Variants in LVRN observed in about 807,000 individuals in gnomAD.
LVRN encodes aminopeptidase Q.
A neutral mutation model predicts 111.4 loss-of-function variants in LVRN; 99 were observed. That is an observed-to-expected ratio of 0.89 (90% confidence interval 0.76 to 1.05). LVRN has a LOEUF of 1.05. Among genes scored for constraint, LVRN ranks in the 50% least tolerant of loss-of-function variants. The pLI is 0.00. For synonymous variants in LVRN, 488 were observed against 449.5 expected (o/e 1.09, Z -1.08); for missense variants, 1,414 against 1,206.8 (o/e 1.17, Z -2.54).
chr5:115,970,044 G>A (rs1753289754), intron 1 of LVRN, among the ~76,000 whole-genome samples: 1 of 151,910 alleles, frequency 6.6e-6, no homozygotes. Flanking sequence ...TATTTCTAAT[G>A]ATTTTTAAAA....
chr5:116,022,183 T>A, intron 18 of LVRN: 1 of 433,890 alleles, frequency 2.3e-6, no homozygotes, highest in Non-Finnish European at 4.1e-6. Flanking sequence ...AATAGATTTG[T>A]GTAACACATA....
intron 1 of LVRN, among the ~76,000 whole-genome samples, chr5:115,972,875 T>C (rs1281045214): frequency 6.6e-6 from 1 of 152,308 alleles, no homozygotes; most frequent in Non-Finnish European, 1.5e-5. Flanking sequence ...GTTTTTATTA[T>C]TTAATTTGTT....
chr5:116,025,248 A>G (rs1186858360), intron 19 of LVRN, among the ~76,000 whole-genome samples: 2 of 152,184 alleles, frequency 1.3e-5, no homozygotes, highest in Non-Finnish European at 2.9e-5. Flanking sequence ...GCTTGATAGC[A>G]CTATTACTGT....
Position 115,962,709 on chromosome 5 carries a change from C to A in LVRN, c.92C>A (p.Ala31Asp). ...GLVAALLLALAVLAALYGHCE... is the reference protein window; with the variant it reads ...GLVAALLLALDVLAALYGHCE... ...GTAGCCGCCCTCCTGCTGGCGCTGG[C>A]CGTACTCGCCGCCTTGTACGGCCAC... The change falls in exon 1 of 20, where the codon GCC becomes GAC. Residue 31 changes from alanine to aspartate, a missense_variant. Coordinates refer to ENST00000357872, the MANE Select transcript of LVRN (RefSeq NM_173800.5). 1.2e-6 allele frequency: 2 copies of A among 1,611,628 alleles called. No homozygotes were observed. The highest frequency in any genetic ancestry group is 1.7e-6 in the Non-Finnish European group (2 of 1,179,636).
At position 116,027,248 on chromosome 5, in the gene LVRN, G is replaced by A. The variant is rs1748885866; in HGVS notation, c.*1130G>A. ...TCTTTTATTTTTATTTTTGTAGAATGGGGGTAAAACTACAAATCTCCTCCT... is the reference window on the plus strand; with the variant it reads ...TCTTTTATTTTTATTTTTGTAGAATAGGGGTAAAACTACAAATCTCCTCCT... On this transcript the variant is annotated 3_prime_UTR_variant, in exon 20 of 20. Coordinates refer to ENST00000357872, the MANE Select transcript of LVRN (RefSeq NM_173800.5). The A allele has an allele frequency of 6.6e-6, 1 of 152,118 alleles. No individual in the cohort carries two copies. Among genetic ancestry groups the A allele is most frequent in the South Asian group, 2.1e-4 (1 of 4,816 alleles). The allele number at this position is 152,118 out of a possible 1,614,324, so 9.4% of individuals were successfully genotyped here. A position where few individuals can be genotyped will look rare whatever the true frequency, so the allele number is the denominator to read the frequency against.
intron 1 of LVRN, among the ~76,000 whole-genome samples, chr5:115,969,493 T>C (rs1328756556): frequency 6.6e-6 from 1 of 152,174 alleles, no homozygotes; most frequent in Non-Finnish European, 1.5e-5. Context: ...AGTGAAATTG[T>C]CATTTAAGAT....
intron 1 of LVRN, among the ~76,000 whole-genome samples, chr5:115,972,734 T>G (rs991698837): frequency 5.9e-5 from 9 of 152,016 alleles, no homozygotes; most frequent in Non-Finnish European, 1.2e-4. Context: ...CCTATAAGGT[T>G]TTTTTTGGTA....
In LVRN at chr5:115,963,309, G is replaced by T. The variant is rs746222533; in HGVS notation, c.692G>T (p.Arg231Leu). Residue 231 changes from arginine (R) to leucine (L), a missense_variant, in exon 1 of 20, where the codon CGC (arginine) becomes CTC (leucine). Transcript: ENST00000357872. ...FLNVYTDQGE[R>L]RALLASQLEP... ...AACGTCTACACCGACCAGGGCGAGC[G>T]CAGGTAAGGGCTGTACAGCCCGGGG... 2 of 1,603,822 alleles carry T rather than the reference G, an allele frequency of 1.2e-6. No individual in the cohort carries two copies. Among genetic ancestry groups the T allele is most frequent in the Admixed American group, 1.7e-5 (1 of 59,384 alleles).
chr5:115,966,479 G>C (rs1053603266), intron 1 of LVRN, among the ~76,000 whole-genome samples: 15 of 152,070 alleles, frequency 9.9e-5, no homozygotes, highest in African/African-American at 3.4e-4. Flanking sequence ...TCCAGTTTTT[G>C]GTTTTACAAA....
At chr5:115,982,350 C>A (rs1753577668) in intron 1 of LVRN, among the ~76,000 whole-genome samples, 1 of 152,052 alleles carries the variant, frequency 6.6e-6, no homozygotes, top group African/African-American at 2.4e-5. Context: ...TTGAATTCAC[C>A]TCTTATTTAT....
intron 18 of LVRN, among the ~76,000 whole-genome samples, chr5:116,016,232 A>G (rs1197459354): frequency 6.6e-6 from 1 of 152,200 alleles, no homozygotes; most frequent in African/African-American, 2.4e-5. Flanking sequence ...AGAAGGAAAT[A>G]AAAGTTCAAC....
intron 1 of LVRN, among the ~76,000 whole-genome samples, chr5:115,980,359 A>G (rs980817110): frequency 2.0e-5 from 3 of 151,728 alleles, no homozygotes; most frequent in Non-Finnish European, 4.4e-5. Flanking sequence ...TAAGGTTGAG[A>G]GCCAAAGGCT....
intron 4 of LVRN, among the ~76,000 whole-genome samples, chr5:115,989,583 G>A (rs192353632): frequency 1.3e-5 from 2 of 152,034 alleles, no homozygotes; most frequent in Non-Finnish European, 2.9e-5. Flanking sequence ...TTTTCTTTGT[G>A]CCTCTAGAAC....
intron 2 of LVRN, among the ~76,000 whole-genome samples, 159 bp from the exon 3 acceptor site, chr5:115,984,411 G>A (rs1747802104): frequency 6.6e-6 from 1 of 152,142 alleles, no homozygotes; most frequent in African/African-American, 2.4e-5. Context: ...TCCTAATGTG[G>A]TTTTGGATAG....
intron 6 of LVRN, among the ~76,000 whole-genome samples, chr5:115,998,190 T>C (rs1170679811): frequency 6.6e-6 from 1 of 152,262 alleles, no homozygotes; most frequent in East Asian, 1.9e-4. Context: ...TGTATTTATA[T>C]ATTTTAAGGT....
intron 18 of LVRN, chr5:116,021,730 A>G (rs1268651833): frequency 4.9e-5 from 22 of 451,728 alleles, no homozygotes; most frequent in Non-Finnish European, 8.9e-6. Context: ...TTACTTTTTT[A>G]ACTACAGCCA....
In LVRN at chr5:115,962,503, A is replaced by G; in HGVS notation, c.-115A>G. ...CCGTCCAGGCTCTTCCAGGAGGAAG[A>G]GGCACGATACAAGAGAGGAGGGGCA... On this transcript the variant is annotated 5_prime_UTR_variant, in exon 1 of 20. Coordinates refer to ENST00000357872, the MANE Select transcript of LVRN (RefSeq NM_173800.5). The G allele has an allele frequency of 1.1e-6, 1 of 932,418 alleles. No individual in the cohort carries two copies. The highest frequency in any genetic ancestry group is 1.6e-6 in the Non-Finnish European group (1 of 610,114). 57.8% of individuals were successfully genotyped at this position (932,418 alleles called of 1,614,324 possible). A position where few individuals can be genotyped will look rare whatever the true frequency, so the allele number is the denominator to read the frequency against.
In LVRN at chr5:116,003,231, T is replaced by A; in HGVS notation, c.1898-10T>A. On this transcript the variant is annotated splice_polypyrimidine_tract_variant and intron_variant, in intron 11 of 19. Coordinates refer to ENST00000357872, the MANE Select transcript of LVRN (RefSeq NM_173800.5). ...GTACCATTTCAAATTATTCCCATAT[T>A]CCTTTATAGAAGTATTCCCAGAAAT... 1 of 1,567,004 alleles carries A rather than the reference T, an allele frequency of 6.4e-7. No individual in the cohort carries two copies. Among genetic ancestry groups the A allele is most frequent in the Non-Finnish European group, 8.7e-7 (1 of 1,155,354 alleles).
chr5:116,021,084 G>A (rs566678772), intron 18 of LVRN: 1 of 152,312 alleles, frequency 6.6e-6, no homozygotes, highest in South Asian at 2.1e-4. Flanking sequence ...AGCAGGAAGG[G>A]ATGAAGTTTG....
Sources: allele counts gnomAD v4.1 joint callset (sites outside exome capture counted in the v4.1 genomes callset), GRCh38; gene constraint gnomAD v4.1.1; transcripts MANE v1.5; gene names NCBI Gene and HGNC (gene_info 2026-07-23, HGNC 2026-07-21).